NHSL3: variants seen among roughly 807,000 people sequenced by gnomAD.
The protein encoded by NHSL3 is NHS-like protein 3.
chr1:32,756,046 G>T, the NHSL3 span, among the ~76,000 whole-genome samples: 1 of 152,216 alleles, frequency 6.6e-6, no homozygotes, highest in South Asian at 2.1e-4. Flanking sequence ...GTGGCCTGGG[G>T]CTTCCAGCAA....
At chr1:32,768,721 A>C in the NHSL3 span, 1 of 1,614,174 alleles carries the variant, frequency 6.2e-7, no homozygotes, top group Non-Finnish European at 8.5e-7. Context: ...CGTGGCTGAG[A>C]GCTCCACAGC....
chr1:32,765,521 T>A, the NHSL3 span: 1 of 971,130 alleles, frequency 1.0e-6, no homozygotes, highest in Non-Finnish European at 1.5e-6. Flanking sequence ...ACTCCTGGCC[T>A]CAGTTGCCTT....
At chr1:32,762,777 A>C in the NHSL3 span, among the ~76,000 whole-genome samples, 2 of 151,978 alleles carry the variant, frequency 1.3e-5, no homozygotes, top group Admixed American at 1.3e-4. Context: ...TTTAGTAGAG[A>C]CGGGCTTTCA....
chr1:32,770,763 G>A, the NHSL3 span: 16 of 1,575,078 alleles, frequency 1.0e-5, no homozygotes, highest in Non-Finnish European at 1.3e-5. The surrounding 1 kb of genome is among the most constrained non-coding windows in gnomAD (Gnocchi z 8.3). Context: ...CTGAGCGTAA[G>A]CAGCAGCCCC....
chr1:32,755,899 T>G, the NHSL3 span, among the ~76,000 whole-genome samples: 1 of 152,162 alleles, frequency 6.6e-6, no homozygotes. Flanking sequence ...GCTCTTCATC[T>G]GTCCTCTGAT....
chr1:32,768,123 C>A, the NHSL3 span: 1 of 1,577,596 alleles, frequency 6.3e-7, no homozygotes, highest in Non-Finnish European at 8.7e-7. Context: ...TCCAGGTGAG[C>A]CCTGCCTCCA....
the NHSL3 span, chr1:32,771,154 G>C: frequency 6.2e-7 from 1 of 1,612,000 alleles, no homozygotes; most frequent in Non-Finnish European, 8.5e-7. Context: ...TGACAGGTTT[G>C]TCATACCTCC....
At chr1:32,770,212 TC>T in the NHSL3 span, 2 of 1,603,882 alleles carry the variant, frequency 1.2e-6, no homozygotes, top group Non-Finnish European at 1.7e-6. The surrounding 1 kb of genome is among the most constrained non-coding windows in gnomAD (Gnocchi z 8.3). Flanking sequence ...CATGTCCATC[TC>T]CCCCCAGGCC....
the NHSL3 span, chr1:32,765,927 G>C: frequency 8.8e-7 from 1 of 1,132,602 alleles, no homozygotes; most frequent in South Asian, 1.3e-5. Context: ...AAAAGTAATG[G>C]GGTGGGGCTG....
chr1:32,768,304 G>A, the NHSL3 span, among the ~76,000 whole-genome samples: 2 of 152,214 alleles, frequency 1.3e-5, no homozygotes, highest in Non-Finnish European at 1.5e-5. Flanking sequence ...TCAAAAGTTC[G>A]AGTGGGAGGC....
At chr1:32,771,161 C>T in the NHSL3 span, 15 of 1,611,846 alleles carry the variant, frequency 9.3e-6, no homozygotes, top group Admixed American at 1.7e-5. Flanking sequence ...TTTGTCATAC[C>T]TCCTCACCCC....
At chr1:32,771,543 C>T in the NHSL3 span, 1 of 1,604,980 alleles carries the variant, frequency 6.2e-7, no homozygotes, top group Non-Finnish European at 8.5e-7. Flanking sequence ...CTGACTTCCC[C>T]CCACCAGAGG....
At chr1:32,745,018 C>A in the NHSL3 span, among the ~76,000 whole-genome samples, 1 of 150,884 alleles carries the variant, frequency 6.6e-6, no homozygotes, top group Non-Finnish European at 1.5e-5. Flanking sequence ...CCCAGCTACC[C>A]GGAAGGCTGA....
At chr1:32,764,179 G>A in the NHSL3 span, among the ~76,000 whole-genome samples, 14 of 151,808 alleles carry the variant, frequency 9.2e-5, no homozygotes, top group Non-Finnish European at 1.9e-4. Flanking sequence ...TCTTAGAGGG[G>A]CTTTTCTTGA....
the NHSL3 span, chr1:32,772,270 G>T: frequency 2.5e-6 from 4 of 1,604,018 alleles, no homozygotes; most frequent in Non-Finnish European, 2.6e-6. Context: ...CAAGCCGTCT[G>T]TGGGAGTCCC....
the NHSL3 span, chr1:32,767,976 C>T: frequency 1.9e-6 from 3 of 1,611,908 alleles, no homozygotes; most frequent in Non-Finnish European, 2.5e-6. Flanking sequence ...CCTCTCCACT[C>T]CCCTCCCCTC....
the NHSL3 span, chr1:32,769,673 G>A: frequency 1.2e-6 from 2 of 1,610,730 alleles, no homozygotes; most frequent in Admixed American, 3.3e-5. Context: ...TGGCCCCCAG[G>A]CTCCACCTTC....
At chr1:32,756,784 C>T in the NHSL3 span, among the ~76,000 whole-genome samples, 6 of 151,422 alleles carry the variant, frequency 4.0e-5, no homozygotes, top group Non-Finnish European at 7.4e-5. Context: ...GCCCAGCCAA[C>T]ATGGTGAAAC....
chr1:32,742,643 G>C, the NHSL3 span, among the ~76,000 whole-genome samples: 9 of 152,252 alleles, frequency 5.9e-5, no homozygotes, highest in Middle Eastern at 3.2e-3. Context: ...TTCAGCTCCA[G>C]CTGGATCTGG....
Sources: gnomAD v4.1 joint callset for allele counts (sites outside exome capture counted in the v4.1 genomes callset) on GRCh38, gnomAD v4.1.1 for gene constraint, Gnocchi (gnomAD v3.1) non-coding constraint, MANE v1.5 for transcripts, NCBI Gene and HGNC (gene_info 2026-07-23, HGNC 2026-07-21) for gene names.